DNAH5: variants seen among roughly 807,000 people sequenced by gnomAD.
DNAH5 encodes the protein axonemal beta dynein heavy chain 5.
A neutral mutation model predicts 518.2 loss-of-function variants in DNAH5; 372 were observed. The ratio of observed to expected loss-of-function variants is 0.72; its 90% CI spans 0.66 to 0.78. DNAH5 has a LOEUF of 0.78. DNAH5 is among the 30% of genes least tolerant of loss of function. The pLI, the probability that DNAH5 is intolerant of heterozygous loss-of-function variation, is 0.00. For missense variants in DNAH5, 5,523 were observed against 5,687.0 expected (o/e 0.97, Z 0.93); for synonymous variants, 2,039 against 2,025.9 (o/e 1.01, Z -0.17).
chr5:13,883,701 T>C (rs1050741031), intron 19 of DNAH5, among the ~76,000 whole-genome samples: 3 of 152,246 alleles, frequency 2.0e-5, no homozygotes, highest in Non-Finnish European at 2.9e-5. Context: ...CTTTACGTAG[T>C]TGCAAATATC....
intron 42 of DNAH5, among the ~76,000 whole-genome samples, chr5:13,816,197 TG>T (rs1430215771): frequency 6.6e-6 from 1 of 152,172 alleles, no homozygotes; most frequent in Non-Finnish European, 1.5e-5. Context: ...AGAGGAACAC[TG>T]GGCAAAAAAC....
intron 28 of DNAH5, among the ~76,000 whole-genome samples, chr5:13,863,997 C>T (rs1423970030): frequency 6.6e-6 from 1 of 152,206 alleles, no homozygotes; most frequent in Non-Finnish European, 1.5e-5. Flanking sequence ...GCCCCTCACC[C>T]CAACCACACA....
rs142737132 is a variant in DNAH5, at chr5:13,729,654, TTAC to T, written c.11762-97_11762-95del. On this transcript the variant is annotated intron_variant, in intron 68 of 78. Transcript: ENST00000265104. ...TTGTATTATTTTAATTTCAGTTATT[TTAC>T]TACTTTCACTTTTTTAAGCACAGAA... The T allele has an allele frequency of 7.3e-3, 8,504 of 1,171,414 alleles. 319 individuals are homozygous for T. The African/African-American group carries it at 0.095, about 13-fold the overall frequency. 72.6% of individuals were successfully genotyped at this position (1,171,414 alleles called of 1,614,324 possible).
In DNAH5 at chr5:13,870,868, G is replaced by A. The variant is rs149609746; in HGVS notation, c.3733C>T (p.Arg1245Cys). 438 of 1,613,772 alleles carry A rather than the reference G, an allele frequency of 2.7e-4. No individual in the cohort carries two copies. Among genetic ancestry groups the A allele is most frequent in the East Asian group, 9.1e-4 (41 of 44,870 alleles). ...LIEEFNKKLN[R>C]PIKDLDDIRI... ...ATATCATCTAGGTCCTTAATTGGAC[G>A]ATTTAGTTTCTTATTGAATTCTTCA... Residue 1245 changes from arginine to cysteine, a missense_variant, in exon 24 of 79, where the codon CGT (arginine) becomes TGT (cysteine). Coordinates refer to ENST00000265104, the MANE Select transcript of DNAH5 (RefSeq NM_001369.3).
At chr5:13,919,715 C>T (rs1444692083) in intron 6 of DNAH5, among the ~76,000 whole-genome samples, 1 of 152,004 alleles carries the variant, frequency 6.6e-6, no homozygotes, top group East Asian at 1.9e-4. Flanking sequence ...GTGTCATGAC[C>T]AGGTCAGAGT....
chr5:13,699,144 G>A (rs977637175), intron 78 of DNAH5, among the ~76,000 whole-genome samples: 6 of 152,142 alleles, frequency 3.9e-5, no homozygotes, highest in Non-Finnish European at 5.9e-5. Flanking sequence ...CCTCTGCCAC[G>A]AAAAGTCTAA....
At chr5:13,860,816 C>T (rs1768310526) in intron 29 of DNAH5, among the ~76,000 whole-genome samples, 2 of 152,182 alleles carry the variant, frequency 1.3e-5, no homozygotes, top group South Asian at 4.1e-4. Context: ...CTTTGTGTCT[C>T]TTCTTCTCTT....
rs775947029 is a variant in DNAH5, at chr5:13,923,370, G to A, written c.348C>T (p.Thr116=). The A allele has an allele frequency of 1.3e-5, 21 of 1,613,986 alleles. No homozygotes were observed. In the Admixed American group the frequency reaches 1.8e-4, roughly 14 times the overall value. ...CAGTAAGAGCCACATCGTTTCCCTCGGTCACGAACACCTTAGGTTTTTTAA... is the reference window on the plus strand; with the variant it reads ...CAGTAAGAGCCACATCGTTTCCCTCAGTCACGAACACCTTAGGTTTTTTAA... ...GKIKKPKVFV[T]EGNDVALTGV... is the part of the protein sequence containing the mutation. The change falls in exon 4 of 79, where the codon ACC becomes ACT. Residue 116 remains threonine (T), a synonymous_variant. Coordinates refer to ENST00000265104, the MANE Select transcript of DNAH5 (RefSeq NM_001369.3).
intron 24 of DNAH5, 151 bp downstream of exon 24, chr5:13,870,616 C>A: frequency 1.3e-6 from 1 of 762,474 alleles, no homozygotes; most frequent in Non-Finnish European, 2.2e-6. Flanking sequence ...GAAGGCAATG[C>A]TATAGGGGTT....
chr5:13,979,842 G>GTTT (rs397883750), intron 1 of DNAH5, among the ~76,000 whole-genome samples: 54 of 135,810 alleles, frequency 4.0e-4, no homozygotes, highest in African/African-American at 1.0e-3. Flanking sequence ...GTTTTTTGGG[G>GTTT]TTTTTTTTTT....
At chr5:13,804,485 C>T (rs774555409) in intron 47 of DNAH5, among the ~76,000 whole-genome samples, 3 of 152,212 alleles carry the variant, frequency 2.0e-5, no homozygotes, top group Non-Finnish European at 4.4e-5. Flanking sequence ...GCTCCATCAG[C>T]CCTGTTTAGC....
intron 59 of DNAH5, among the ~76,000 whole-genome samples, chr5:13,763,346 A>G (rs1752035188): frequency 6.6e-6 from 1 of 152,232 alleles, no homozygotes; most frequent in Non-Finnish European, 1.5e-5. Flanking sequence ...TCAGCAACTA[A>G]ACGCTTAATA....
intron 1 of DNAH5, among the ~76,000 whole-genome samples, chr5:13,964,851 T>C (rs1357629135): frequency 6.6e-6 from 1 of 152,224 alleles, no homozygotes; most frequent in Non-Finnish European, 1.5e-5. Context: ...AACAGATAAA[T>C]GCCTTTGGGC....
chr5:13,781,539 T>C (rs575994501), intron 52 of DNAH5, among the ~76,000 whole-genome samples: 133 of 111,710 alleles, frequency 1.2e-3, no homozygotes, highest in African/African-American at 4.7e-3. Context: ...TGGGAGATAA[T>C]TGAATCAAGG....
chr5:13,873,842 GT>G (rs1161178945), intron 22 of DNAH5, among the ~76,000 whole-genome samples: 2 of 152,008 alleles, frequency 1.3e-5, no homozygotes, highest in African/African-American at 4.8e-5. Context: ...TGTGAATCAA[GT>G]TTTTCCACTG....
Position 13,717,458 on chromosome 5 carries a change from C to T in DNAH5, c.12562G>A (p.Val4188Met), listed in dbSNP as rs773314785. ...GSQWKPMLYA[V>M]AFLHSTVQER... The stretch of plus-strand genomic sequence containing the variant: ...TGGACAGTGGAGTGCAGGAAAGCCA[C>T]TGCGTACAGCATGGGCTTCCACTGG... Residue 4188 changes from valine (V) to methionine (M), a missense_variant, in exon 73 of 79, where the codon GTG (valine) becomes ATG (methionine). This residue lies in a region of DNAH5 where 5,121 missense variants were observed against 5,223.3 expected (regional missense o/e 0.98). Transcript: ENST00000265104. The T allele has an allele frequency of 6.2e-7, 1 of 1,614,196 alleles. No individual in the cohort carries two copies. Among genetic ancestry groups the T allele is most frequent in the Non-Finnish European group, 8.5e-7 (1 of 1,180,024 alleles).
At chr5:13,871,118 C>A in intron 23 of DNAH5, 116 bp from the exon 24 acceptor site, 1 of 720,034 alleles carries the variant, frequency 1.4e-6, no homozygotes, top group Non-Finnish European at 2.3e-6. Context: ...CTCTAACCCA[C>A]AAAAAATTGA....
At position 13,735,953 on chromosome 5, in the gene DNAH5, T is replaced by C. The variant is rs192594959; in HGVS notation, c.11456-21A>G. The C allele has an allele frequency of 3.2e-4, 509 of 1,574,550 alleles. 2 individuals carry two copies. In the African/African-American group the frequency reaches 5.8e-3, roughly 18 times the overall value. On this transcript the variant is annotated intron_variant, in intron 66 of 78. Coordinates refer to ENST00000265104, the MANE Select transcript of DNAH5 (RefSeq NM_001369.3). Reference sequence around the variant, plus strand: ...AGCCACTGGAAGACAAAGAGCAAGGTTGCATGTGCTACGAGAGAGGAAAAT... The same window carrying C: ...AGCCACTGGAAGACAAAGAGCAAGGCTGCATGTGCTACGAGAGAGGAAAAT...
At chr5:14,001,989 C>T (rs539152093) in intron 1 of DNAH5, among the ~76,000 whole-genome samples, 13 of 152,052 alleles carry the variant, frequency 8.5e-5, no homozygotes, top group African/African-American at 3.1e-4. Context: ...ACCTCCACCT[C>T]CCAAGTTCAA....
Sources: allele counts gnomAD v4.1 joint callset (sites outside exome capture counted in the v4.1 genomes callset), GRCh38; gene constraint gnomAD v4.1.1; regional missense constraint gnomAD v4.1.1; transcripts MANE v1.5; gene names NCBI Gene and HGNC (gene_info 2026-07-23, HGNC 2026-07-21).